The following CCDC144A variants were observed in gnomAD, a reference collection of about 807,000 sequenced individuals.
CCDC144A encodes the protein coiled-coil domain-containing protein 144A.
Under a neutral mutation model 143.8 loss-of-function variants are expected in CCDC144A, and 41 were observed. That is an observed-to-expected ratio of 0.29 (90% CI 0.22 to 0.37). The LOEUF is 0.37. Among genes scored for constraint, CCDC144A ranks in the 10% least tolerant of loss-of-function variants. The pLI is 1.00. For synonymous variants in CCDC144A, 242 were observed against 517.9 expected, an observed-to-expected ratio of 0.47 and a Z score of 7.23; for missense variants, 637 against 1,488.8, an observed-to-expected ratio of 0.43 and a Z score of 9.41.
Position 16,690,453 on chromosome 17 carries a change from C to T in CCDC144A, c.53C>T (p.Pro18Leu), listed in dbSNP as rs371265519. 4.8e-4 allele frequency: 765 copies of T among 1,609,534 alleles called. 2 individuals are homozygous for T. Among genetic ancestry groups the T allele is most frequent in the South Asian group, 2.9e-3 (263 of 90,918 alleles). Residue 18 changes from proline to leucine, a missense_variant, in exon 1 of 17, where the codon CCG becomes CTG. By Grantham distance (98) the Pro-to-Leu change is moderately conservative (BLOSUM62 -3). Transcript: ENST00000399273. Reference sequence around the variant, plus strand: ...GGAGGGGCTGAGGGGTCTCCGAAGCCGGCAGTCTACGCCACGAGGAAGACC... The same window carrying T: ...GGAGGGGCTGAGGGGTCTCCGAAGCTGGCAGTCTACGCCACGAGGAAGACC... ...KRGGAEGSPKPAVYATRKTPS... is the reference protein window; with the variant it reads ...KRGGAEGSPKLAVYATRKTPS...
chr17:16,775,656 C>T lies in CCDC144A; in HGVS notation c.*2023C>T, dbSNP rs1228875685. On this transcript the variant is annotated 3_prime_UTR_variant, in exon 17 of 17. Coordinates refer to ENST00000399273, the MANE Select transcript of CCDC144A (RefSeq NM_001382000.1). ...AATTTTCTCCCATTCTGTAGGTTGTCGGTTTACTCTGTTGATAGGTTCTTA... is the reference window on the plus strand; with the variant it reads ...AATTTTCTCCCATTCTGTAGGTTGTTGGTTTACTCTGTTGATAGGTTCTTA... The T allele has an allele frequency of 2.0e-5, 3 of 152,068 alleles. No individual in the cohort carries two copies. The highest frequency in any genetic ancestry group is 2.9e-5 in the Non-Finnish European group (2 of 68,020). 9.4% of individuals were successfully genotyped at this position (152,068 alleles called of 1,614,324 possible). A position where few individuals can be genotyped will look rare whatever the true frequency, so the allele number is the denominator to read the frequency against.
intron 15 of CCDC144A, among the ~76,000 whole-genome samples, chr17:16,770,116 A>G (rs1281642641): frequency 6.6e-6 from 1 of 150,600 alleles, no homozygotes; most frequent in Non-Finnish European, 1.5e-5. Context: ...GTGAGCCACC[A>G]CACCTGGACT....
intron 12 of CCDC144A, among the ~76,000 whole-genome samples, chr17:16,742,854 A>G (rs893936294): frequency 5.9e-5 from 9 of 151,898 alleles, no homozygotes; most frequent in Non-Finnish European, 1.2e-4. Flanking sequence ...GGACATTCGT[A>G]TGTCTTCTTT....
intron 9 of CCDC144A, among the ~76,000 whole-genome samples, chr17:16,729,991 T>TATATATACATAC (rs1491438660): frequency 8.7e-6 from 1 of 114,886 alleles, no homozygotes; most frequent in African/African-American, 3.3e-5. Flanking sequence ...TATATATATA[T>TATATATACATAC]ACACACATAC....
intron 2 of CCDC144A, among the ~76,000 whole-genome samples, chr17:16,698,861 A>G (rs915314185): frequency 1.3e-5 from 2 of 152,232 alleles, no homozygotes; most frequent in African/African-American, 4.8e-5. Flanking sequence ...ATTGCAGGAA[A>G]CTAATATAAT....
chr17:16,731,036 G>A (rs1189599933), intron 9 of CCDC144A, among the ~76,000 whole-genome samples: 1 of 151,396 alleles, frequency 6.6e-6, no homozygotes, highest in East Asian at 1.9e-4. Context: ...AAAATGGACA[G>A]TAATTGATGA....
the CCDC144A span, chr17:16,684,337 G>T: frequency 8.6e-6 from 6 of 696,138 alleles, no homozygotes; most frequent in African/African-American, 1.8e-5. Context: ...CAATTTCCAT[G>T]AAGTTAATAT....
At chr17:16,690,813 G>A in intron 1 of CCDC144A, 69 bp downstream of exon 1, 5 of 1,497,776 alleles carry the variant, frequency 3.3e-6, no homozygotes, top group South Asian at 1.3e-5. Flanking sequence ...CAGGCCCCAC[G>A]GCACCCGGGA....
intron 8 of CCDC144A, among the ~76,000 whole-genome samples, chr17:16,724,771 G>A (rs1032691696): frequency 1.7e-5 from 2 of 120,590 alleles, no homozygotes; most frequent in Non-Finnish European, 3.4e-5. Flanking sequence ...GAGATTACAC[G>A]TTCTTGATTA....
intron 8 of CCDC144A, among the ~76,000 whole-genome samples, chr17:16,723,505 C>T (rs71244499): frequency 6.6e-6 from 1 of 151,966 alleles, no homozygotes; most frequent in South Asian, 2.1e-4. Context: ...TGGTCTGTTC[C>T]GCCTGCTATA....
At chr17:16,729,991 T>TATATATATATATATATATACACACACAC (rs1491438660) in intron 9 of CCDC144A, among the ~76,000 whole-genome samples, 6 of 114,878 alleles carry the variant, frequency 5.2e-5, no homozygotes, top group Non-Finnish European at 1.1e-4. Flanking sequence ...TATATATATA[T>TATATATATATATATATATACACACACAC]ACACACATAC....
chr17:16,743,709 A>C (rs1465512214), intron 12 of CCDC144A, among the ~76,000 whole-genome samples: 1 of 151,986 alleles, frequency 6.6e-6, no homozygotes, highest in Non-Finnish European at 1.5e-5. Flanking sequence ...TTTCAGATTC[A>C]GGGAGTACAT....
rs536906845 is a variant in CCDC144A, at chr17:16,709,144, G to T, written c.1087G>T (p.Glu363Ter). 63 of 1,611,516 alleles carry T rather than the reference G, an allele frequency of 3.9e-5. No homozygotes were observed. The African/African-American group carries it at 8.4e-4, about 22-fold the overall frequency. ...SVSVVFETFP[E>*]QKEPSLKNII... ...CTCAGTGGTATTCGAGACATTTCCT[G>T]AACAAAAAGAACCCAGTCTCAAAAA... Residue 363 changes from glutamate to a stop codon, truncating the protein, a stop_gained, in exon 5 of 17, where the codon GAA becomes TAA. Transcript: ENST00000399273. LOFTEE classifies it high-confidence loss of function.
chr17:16,695,159 C>T (rs1020654998), intron 2 of CCDC144A: 2 of 152,090 alleles, frequency 1.3e-5, no homozygotes, highest in Admixed American at 6.5e-5. Flanking sequence ...AGAGCTTTCT[C>T]TATTTAACTT....
At chr17:16,716,073 T>TGCACAATGTGCAC (rs1912734211) in intron 6 of CCDC144A, among the ~76,000 whole-genome samples, 1 of 152,104 alleles carries the variant, frequency 6.6e-6, no homozygotes, top group Non-Finnish European at 1.5e-5. Flanking sequence ...TTCCATCAAC[T>TGCACAATGTGCAC]ATGTTTAAAA....
the CCDC144A span, among the ~76,000 whole-genome samples, chr17:16,682,388 G>T: frequency 1.3e-4 from 20 of 152,130 alleles, no homozygotes; most frequent in African/African-American, 4.6e-4. Context: ...AGTATTGGAG[G>T]CTCCATGTGG....
intron 2 of CCDC144A, among the ~76,000 whole-genome samples, chr17:16,698,614 T>C (rs1911548266): frequency 6.6e-6 from 1 of 152,174 alleles, no homozygotes. Context: ...TAGTCTTTCT[T>C]ACCTGCTTTT....
chr17:16,684,164 G>T, the CCDC144A span: 2 of 1,148,878 alleles, frequency 1.7e-6, no homozygotes, highest in Non-Finnish European at 2.6e-6. Flanking sequence ...TGCAGGGAAA[G>T]AGGTGATCAA....
chr17:16,730,850 C>A (rs1913706960), intron 9 of CCDC144A, among the ~76,000 whole-genome samples: 1 of 143,346 alleles, frequency 7.0e-6, no homozygotes, highest in Non-Finnish European at 1.5e-5. Context: ...GATTTTGTAA[C>A]ATGAGACTTT....
Sources: allele counts gnomAD v4.1 joint callset (sites outside exome capture counted in the v4.1 genomes callset), GRCh38; gene constraint gnomAD v4.1.1; transcripts MANE v1.5; gene names NCBI Gene and HGNC (gene_info 2026-07-23, HGNC 2026-07-21).